The following REEP5 variants were observed in gnomAD, a reference collection of about 807,000 sequenced individuals.
REEP5 encodes receptor accessory protein 5.
Under a neutral mutation model 22.4 loss-of-function variants are expected in REEP5, and 24 were observed. That is an observed-to-expected ratio of 1.07 (90% confidence interval 0.78 to 1.51). The LOEUF is 1.51. REEP5 is among the 40% of genes most tolerant of loss of function. The pLI, the probability that REEP5 is intolerant of heterozygous loss-of-function variation, is 0.00. For synonymous variants in REEP5, 103 were observed against 88.6 expected (o/e 1.16, Z -0.92); for missense variants, 252 against 233.0 (o/e 1.08, Z -0.53).
At chr5:112,895,459 A>G (rs1302973993) in intron 3 of REEP5, 1 of 148,574 alleles carries the variant, frequency 6.7e-6, no homozygotes, top group African/African-American at 2.6e-5. Flanking sequence ...CCAACCCTTC[A>G]GCAATCCAGA....
chr5:112,897,695 A>G (rs2150042690), intron 3 of REEP5: 1 of 152,316 alleles, frequency 6.6e-6, no homozygotes, highest in East Asian at 1.9e-4. Context: ...TTTTCCTCCA[A>G]TCTTATCAGC....
chr5:112,878,959 C>G, intron 4 of REEP5, 124 bp from the exon 5 acceptor site: 1 of 1,456,486 alleles, frequency 6.9e-7, no homozygotes, highest in Non-Finnish European at 9.4e-7. Context: ...TGTTCAGGTG[C>G]GATCATGTTG....
At chr5:112,879,694 T>C (rs571385313) in intron 4 of REEP5, among the ~76,000 whole-genome samples, 4 of 152,108 alleles carry the variant, frequency 2.6e-5, no homozygotes, top group Non-Finnish European at 5.9e-5. Context: ...GCCAGGATGG[T>C]CTCAATTTCC....
intron 2 of REEP5, among the ~76,000 whole-genome samples, chr5:112,918,585 C>T (rs1214813305): frequency 6.6e-6 from 1 of 152,180 alleles, no homozygotes; most frequent in African/African-American, 2.4e-5. Flanking sequence ...TTGGCAAGAT[C>T]GCGAACTCCT....
rs190214713 is a variant in REEP5, at chr5:112,887,138, C to T, written c.397G>A (p.Ala133Thr). Residue 133 changes from alanine (A) to threonine (T), a missense_variant, in exon 4 of 5, where the codon GCT becomes ACT. Physicochemically the swap from Ala to Thr is moderately conservative, Grantham distance 58 (BLOSUM62 0). Coordinates refer to ENST00000379638, the MANE Select transcript of REEP5 (RefSeq NM_005669.5). ...ATGATGCGCTTGTAGAGCAGTTCAG[C>T]CCCATTAGAAGGGCTCGGGGCCATG... The part of the protein sequence containing the change: ...WCMAPSPSNG[A>T]ELLYKRIIRP... 3 of 1,612,508 alleles carry T rather than the reference C, an allele frequency of 1.9e-6. No individual in the cohort carries two copies. Among genetic ancestry groups the T allele is most frequent in the African/African-American group, 2.7e-5 (2 of 75,018 alleles).
chr5:112,915,710 C>A (rs1483313091), intron 2 of REEP5, among the ~76,000 whole-genome samples: 1 of 152,182 alleles, frequency 6.6e-6, no homozygotes, highest in Non-Finnish European at 1.5e-5. Flanking sequence ...CTTCATACTA[C>A]CCCAGAAGGC....
intron 3 of REEP5, among the ~76,000 whole-genome samples, chr5:112,888,935 T>G (rs1561649154): frequency 6.6e-6 from 1 of 150,796 alleles, no homozygotes; most frequent in South Asian, 2.1e-4. Context: ...ATGGGGGTGG[T>G]TTCCTGCCAT....
At chr5:112,918,131 GAATTA>G (rs1769270933) in intron 2 of REEP5, among the ~76,000 whole-genome samples, 1 of 152,108 alleles carries the variant, frequency 6.6e-6, no homozygotes, top group Non-Finnish European at 1.5e-5. Context: ...AGGAAGGCTG[GAATTA>G]GATTCCGAAT....
At position 112,921,539 on chromosome 5, in the gene REEP5, G is replaced by C. The variant is rs375182901; in HGVS notation, c.119-283C>G. ...CCCCCGGCGCCCGGGACGGTCCCAG[G>C]CACCCGCTTCCGCCCTCTCGCAGGG... On this transcript the variant is annotated intron_variant, in intron 1 of 4. Coordinates refer to ENST00000379638, the MANE Select transcript of REEP5 (RefSeq NM_005669.5). The C allele has an allele frequency of 8.6e-5, 44 of 509,318 alleles. 1 individual carries two copies. The highest frequency in any genetic ancestry group is 1.5e-4 in the Non-Finnish European group (41 of 280,452). The allele number at this position is 509,318 out of a possible 1,614,324, so 31.5% of individuals were successfully genotyped here.
At chr5:112,881,797 A>T (rs998734641) in intron 4 of REEP5, among the ~76,000 whole-genome samples, 55 of 151,928 alleles carry the variant, frequency 3.6e-4, no homozygotes, top group African/African-American at 1.3e-3. Context: ...ACAGGGTCTC[A>T]CTCTGTCACC....
intron 3 of REEP5, chr5:112,891,584 C>T: frequency 1.9e-6 from 3 of 1,554,040 alleles, no homozygotes; most frequent in Non-Finnish European, 1.7e-6. Flanking sequence ...TGAACAAAAT[C>T]TTCCATATAT....
At chr5:112,884,598 G>C (rs1363020284) in intron 4 of REEP5, among the ~76,000 whole-genome samples, 2 of 151,920 alleles carry the variant, frequency 1.3e-5, no homozygotes, top group Non-Finnish European at 2.9e-5. Flanking sequence ...TCACAAACAA[G>C]CTGGTCTCAA....
intron 4 of REEP5, among the ~76,000 whole-genome samples, chr5:112,883,945 C>T (rs1455909848): frequency 6.6e-6 from 1 of 152,170 alleles, no homozygotes; most frequent in Non-Finnish European, 1.5e-5. Flanking sequence ...AATCCCATTA[C>T]TTCTACCTTT....
intron 3 of REEP5, among the ~76,000 whole-genome samples, chr5:112,901,430 C>T (rs185549015): frequency 1.8e-4 from 27 of 151,966 alleles, no homozygotes; most frequent in African/African-American, 2.4e-4. Flanking sequence ...AGATTGAGTC[C>T]GGGCACGGTG....
At position 112,888,897 on chromosome 5, in the gene REEP5, A is replaced by T. The variant is rs1252468488; in HGVS notation, c.352-1714T>A. Among the ~76,000 whole-genome samples the T allele has an allele frequency of 1.3e-5, 2 of 150,772 alleles. 1 individual carries two copies. Among genetic ancestry groups the T allele is most frequent in the African/African-American group, 4.9e-5 (2 of 40,494 alleles). The stretch of plus-strand genomic sequence containing the variant: ...CTCCCATAATTCTCATGTGTTGTGG[A>T]AAGGACAGGGTGAGAGATAACTGAA... On this transcript the variant is annotated intron_variant, in intron 3 of 4. Transcript: ENST00000379638.
At chr5:112,905,273 G>A (rs1039765641) in intron 2 of REEP5, among the ~76,000 whole-genome samples, 2 of 152,114 alleles carry the variant, frequency 1.3e-5, no homozygotes, top group Middle Eastern at 3.2e-3. Context: ...GGGCACAATG[G>A]CTCACACCTG....
intron 3 of REEP5, chr5:112,892,715 G>C (rs1281820146): frequency 1.2e-6 from 2 of 1,614,066 alleles, no homozygotes; most frequent in South Asian, 2.2e-5. Context: ...GATCAGACTG[G>C]CTCCTCCTTT....
At chr5:112,892,589 G>T (rs201888227) in intron 3 of REEP5, 1 of 1,614,168 alleles carries the variant, frequency 6.2e-7, no homozygotes, top group Non-Finnish European at 8.5e-7. Flanking sequence ...ATGGCGATTT[G>T]TGGTTTATTT....
intron 4 of REEP5, chr5:112,885,547 C>A: frequency 4.1e-6 from 1 of 242,162 alleles, no homozygotes. Flanking sequence ...AAGTAAACAT[C>A]AACTACCTTC....
Sources: allele counts gnomAD v4.1 joint callset (sites outside exome capture counted in the v4.1 genomes callset), GRCh38; gene constraint gnomAD v4.1.1; transcripts MANE v1.5; gene names NCBI Gene and HGNC (gene_info 2026-07-23, HGNC 2026-07-21).